Variants in STK32B observed in about 807,000 individuals in gnomAD.
STK32B encodes the protein serine/threonine-protein kinase 32B.
A neutral mutation model predicts 52.6 loss-of-function variants in STK32B; 43 were observed. The observed-to-expected ratio is 0.82, with a 90% CI of 0.64 to 1.05. STK32B has a LOEUF of 1.05. Among genes scored for constraint, STK32B ranks in the 50% least tolerant of loss-of-function variants. STK32B has a pLI of 0.00. For synonymous variants in STK32B, 238 were observed against 204.3 expected, an observed-to-expected ratio of 1.17 and a Z score of -1.41; for missense variants, 621 against 534.6, an observed-to-expected ratio of 1.16 and a Z score of -1.59.
chr4:5,147,519 G>T (rs562337206), intron 2 of STK32B, among the ~76,000 whole-genome samples: 1 of 152,050 alleles, frequency 6.6e-6, no homozygotes, highest in Non-Finnish European at 1.5e-5. Flanking sequence ...AGGGGAAAAA[G>T]TGTTCAGTCT....
intron 3 of STK32B, among the ~76,000 whole-genome samples, chr4:5,317,457 AAT>A (rs1302147868): frequency 2.0e-5 from 2 of 102,376 alleles, no homozygotes; most frequent in East Asian, 2.5e-4. Flanking sequence ...TAATATATAT[AAT>A]ATATATGTAT....
intron 11 of STK32B, among the ~76,000 whole-genome samples, chr4:5,497,095 A>G (rs1177832637): frequency 1.3e-5 from 2 of 152,162 alleles, no homozygotes; most frequent in South Asian, 2.1e-4. Context: ...ATCATATCTT[A>G]TTTGAAATCC....
intron 1 of STK32B, among the ~76,000 whole-genome samples, chr4:5,087,205 A>G (rs937569547): frequency 1.3e-5 from 2 of 152,122 alleles, no homozygotes; most frequent in Admixed American, 1.3e-4. Flanking sequence ...GATTTTGTAT[A>G]TATTTGAAAT....
intron 1 of STK32B, among the ~76,000 whole-genome samples, chr4:5,089,209 C>CT (rs202007532): frequency 4.8e-5 from 7 of 146,238 alleles, no homozygotes; most frequent in African/African-American, 7.4e-5. Flanking sequence ...AGACAAATTT[C>CT]TTTTTTTTCT....
At chr4:5,458,594 G>T (rs1716767586) in intron 8 of STK32B, 1 of 152,160 alleles carries the variant, frequency 6.6e-6, no homozygotes, top group African/African-American at 2.4e-5. Context: ...ATGGCTTGTT[G>T]AATTATTAAT....
At chr4:5,418,385 C>A (rs1345135397) in intron 6 of STK32B, among the ~76,000 whole-genome samples, 1 of 152,156 alleles carries the variant, frequency 6.6e-6, no homozygotes, top group Non-Finnish European at 1.5e-5. Flanking sequence ...CCTAGATAAT[C>A]CCCATTTACC....
At chr4:5,213,196 C>G (rs1723004602) in intron 3 of STK32B, among the ~76,000 whole-genome samples, 1 of 152,158 alleles carries the variant, frequency 6.6e-6, no homozygotes, top group Non-Finnish European at 1.5e-5. Context: ...CTCATTGAGT[C>G]CAAGAACAAA....
At chr4:5,054,714 A>G (rs571267721) in intron 1 of STK32B, among the ~76,000 whole-genome samples, 1 of 152,224 alleles carries the variant, frequency 6.6e-6, no homozygotes, top group South Asian at 2.1e-4. Context: ...AGCTCTCCCA[A>G]ACCATAGTCA....
At chr4:5,189,053 A>T (rs551207111) in intron 3 of STK32B, among the ~76,000 whole-genome samples, 1 of 152,076 alleles carries the variant, frequency 6.6e-6, no homozygotes, top group African/African-American at 2.4e-5. Context: ...AGTTCACAGC[A>T]AAATTAAGAG....
At chr4:5,424,361 G>A (rs551746970) in intron 6 of STK32B, among the ~76,000 whole-genome samples, 27 of 152,172 alleles carry the variant, frequency 1.8e-4, no homozygotes, top group Non-Finnish European at 3.1e-4. Flanking sequence ...GCCAGGGATG[G>A]TCTGAAGCCT....
chr4:5,105,657 G>A (rs924837723), intron 1 of STK32B, among the ~76,000 whole-genome samples: 2 of 151,676 alleles, frequency 1.3e-5, no homozygotes, highest in Admixed American at 6.6e-5. Flanking sequence ...TCCGCCTCCC[G>A]GGTTCACGCC....
In STK32B at chr4:5,051,914, AG is replaced by A; in HGVS notation, c.52+1del. 6.3e-7 allele frequency: 1 copy of A among 1,595,672 alleles called. No homozygotes were observed. The highest frequency in any genetic ancestry group is 8.5e-7 in the Non-Finnish European group (1 of 1,171,450). On this transcript the variant is annotated frameshift_variant and splice_region_variant, in exon 1 of 12. Transcript: ENST00000282908. LOFTEE classifies it high-confidence loss of function. ...KPPVFDENEE[V>X]NFDHFQILRA... The stretch of plus-strand genomic sequence containing the variant: ...CCCCCGTGTTTGACGAGAATGAGGA[AG>A]GTAAGAGAGCGAGAGGTGCGAATTC...
chr4:5,326,398 G>A (rs1241226918), intron 3 of STK32B, among the ~76,000 whole-genome samples: 1 of 152,104 alleles, frequency 6.6e-6, no homozygotes, highest in East Asian at 1.9e-4. Context: ...AATAAAAACA[G>A]TCATTGCCCA....
chr4:5,426,715 G>GAAAAAAAAAAAAAAT (rs1713141112), intron 6 of STK32B, among the ~76,000 whole-genome samples: 1 of 92,990 alleles, frequency 1.1e-5, no homozygotes, highest in Non-Finnish European at 2.3e-5. Context: ...AAAAAAAAAA[G>GAAAAAAAAAAAAAAT]GAAAAGAAAA....
intron 3 of STK32B, among the ~76,000 whole-genome samples, chr4:5,317,295 A>ATT (rs1560313699): frequency 5.3e-5 from 2 of 37,870 alleles, no homozygotes; most frequent in Non-Finnish European, 7.9e-5. Flanking sequence ...ACATATATAT[A>ATT]ATATATAATA....
intron 4 of STK32B, among the ~76,000 whole-genome samples, chr4:5,376,527 A>C (rs1735599515): frequency 1.3e-5 from 2 of 152,020 alleles, no homozygotes; most frequent in African/African-American, 4.8e-5. Context: ...CCCAGGGACC[A>C]TGGACCCTAC....
intron 4 of STK32B, among the ~76,000 whole-genome samples, chr4:5,374,347 A>G (rs1735444622): frequency 6.6e-6 from 1 of 152,252 alleles, no homozygotes; most frequent in Non-Finnish European, 1.5e-5. Flanking sequence ...ATAATAGACA[A>G]AATGCTTTTT....
At chr4:5,105,966 C>A (rs1410229485) in intron 1 of STK32B, among the ~76,000 whole-genome samples, 1 of 151,884 alleles carries the variant, frequency 6.6e-6, no homozygotes, top group African/African-American at 2.4e-5. Context: ...AAGTATAGCC[C>A]TTTTGTATTC....
At chr4:5,169,701 T>A (rs535511553) in intron 3 of STK32B, among the ~76,000 whole-genome samples, 1 of 152,120 alleles carries the variant, frequency 6.6e-6, no homozygotes, top group Admixed American at 6.6e-5. Flanking sequence ...TTTGATTGTT[T>A]GGGAGAAATA....
Sources: allele counts gnomAD v4.1 joint callset (sites outside exome capture counted in the v4.1 genomes callset), GRCh38; gene constraint gnomAD v4.1.1; transcripts MANE v1.5; gene names NCBI Gene and HGNC (gene_info 2026-07-23, HGNC 2026-07-21).